CBLB: variants seen among roughly 807,000 people sequenced by gnomAD.
CBLB encodes Cbl proto-oncogene B, also known as E3 ubiquitin-protein ligase CBL-B.
A neutral mutation model predicts 104.9 loss-of-function variants in CBLB; 31 were observed. The observed-to-expected ratio is 0.30, with a 90% confidence interval of 0.22 to 0.40. The LOEUF (loss-of-function observed/expected upper bound fraction) is 0.40. CBLB is among the 10% of genes least tolerant of loss of function. CBLB has a pLI of 1.00. For missense variants in CBLB, 1,062 were observed against 1,214.6 expected (o/e 0.87, Z 1.87); for synonymous variants, 440 against 422.6 (o/e 1.04, Z -0.51).
chr3:105,807,991 T>C (rs2083746034), intron 3 of CBLB, among the ~76,000 whole-genome samples: 2 of 152,214 alleles, frequency 1.3e-5, no homozygotes, highest in South Asian at 2.1e-4. Flanking sequence ...AACCACTCTA[T>C]GTTATAAAAT....
intron 4 of CBLB, among the ~76,000 whole-genome samples, chr3:105,776,071 A>G (rs2079419512): frequency 6.6e-6 from 1 of 151,908 alleles, no homozygotes; most frequent in Non-Finnish European, 1.5e-5. Flanking sequence ...TATTTTGTAT[A>G]TTAAGTACAT....
intron 3 of CBLB, among the ~76,000 whole-genome samples, chr3:105,817,725 T>C (rs1437696425): frequency 1.3e-5 from 2 of 152,102 alleles, no homozygotes; most frequent in East Asian, 1.9e-4. Context: ...AAAAGACAGT[T>C]GTGTATGCCA....
intron 3 of CBLB, among the ~76,000 whole-genome samples, chr3:105,848,992 A>G (rs1422965506): frequency 3.3e-5 from 5 of 152,132 alleles, no homozygotes; most frequent in Non-Finnish European, 2.9e-5. Context: ...ATTTTCATAG[A>G]TCAATAGATC....
intron 3 of CBLB, among the ~76,000 whole-genome samples, chr3:105,823,609 C>A (rs908281666): frequency 6.6e-6 from 1 of 152,126 alleles, no homozygotes; most frequent in African/African-American, 2.4e-5. Flanking sequence ...TCACCAGCAC[C>A]CTTTGATAAA....
At chr3:105,848,108 C>T (rs1004569295) in intron 3 of CBLB, among the ~76,000 whole-genome samples, 8 of 151,874 alleles carry the variant, frequency 5.3e-5, no homozygotes, top group Non-Finnish European at 1.2e-4. Context: ...GTTTAGACAC[C>T]CAGCTGGAGT....
intron 4 of CBLB, among the ~76,000 whole-genome samples, chr3:105,759,374 C>T (rs1323191914): frequency 6.6e-6 from 1 of 152,182 alleles, no homozygotes; most frequent in Non-Finnish European, 1.5e-5. Context: ...GGCCCTGAGG[C>T]TGTAGGCTGT....
chr3:105,777,059 T>C (rs1414468019), intron 3 of CBLB, among the ~76,000 whole-genome samples: 1 of 152,152 alleles, frequency 6.6e-6, no homozygotes, highest in Non-Finnish European at 1.5e-5. Context: ...AAAGTACTAA[T>C]ACAAAAGTAT....
At chr3:105,701,177 C>T (rs1349996105) in intron 12 of CBLB, among the ~76,000 whole-genome samples, 4 of 152,192 alleles carry the variant, frequency 2.6e-5, no homozygotes, top group African/African-American at 7.2e-5. Context: ...TCTTCAGTTT[C>T]CTGCACACAT....
chr3:105,809,813 T>C (rs2084036151), intron 3 of CBLB, among the ~76,000 whole-genome samples: 1 of 152,134 alleles, frequency 6.6e-6, no homozygotes, highest in Non-Finnish European at 1.5e-5. Context: ...ATAATACCTA[T>C]AATAACAATA....
At chr3:105,847,615 T>TTC (rs2090434754) in intron 3 of CBLB, among the ~76,000 whole-genome samples, 1 of 150,398 alleles carries the variant, frequency 6.6e-6, no homozygotes, top group Non-Finnish European at 1.5e-5. Context: ...TCAGTTGACT[T>TTC]TTTTTCCAGT....
intron 18 of CBLB, among the ~76,000 whole-genome samples, chr3:105,669,099 T>TCCATCCAC (rs777193332): frequency 1.1e-3 from 156 of 144,194 alleles, no homozygotes; most frequent in Non-Finnish European, 1.9e-3. Context: ...CATCCATCCA[T>TCCATCCAC]CCATCCCCAA....
At chr3:105,754,993 A>G (rs2076949823) in intron 4 of CBLB, among the ~76,000 whole-genome samples, 3 of 151,810 alleles carry the variant, frequency 2.0e-5, no homozygotes, top group Admixed American at 1.3e-4. Flanking sequence ...TCCTCTTTAA[A>G]GTCTTGAAAA....
At chr3:105,745,042 C>T (rs1407832408) in intron 6 of CBLB, among the ~76,000 whole-genome samples, 1 of 152,092 alleles carries the variant, frequency 6.6e-6, no homozygotes, top group Non-Finnish European at 1.5e-5. Flanking sequence ...AAAACCAGCA[C>T]CAAATTCATC....
chr3:105,803,300 A>T (rs1232064382), intron 3 of CBLB, among the ~76,000 whole-genome samples: 1 of 152,172 alleles, frequency 6.6e-6, no homozygotes, highest in African/African-American at 2.4e-5. Flanking sequence ...CTGTGAATTT[A>T]TGAGGCCTGC....
At chr3:105,686,436 A>G (rs2284993) in intron 13 of CBLB, among the ~76,000 whole-genome samples, 38,858 of 150,730 alleles carry the variant, frequency 0.26, 5,145 homozygotes, top group Non-Finnish European at 0.27. Flanking sequence ...AAATCTGTTC[A>G]ATTTAAAAAG....
At chr3:105,801,199 AAATAGCAT>A (rs1454663652) in intron 3 of CBLB, among the ~76,000 whole-genome samples, 3 of 152,176 alleles carry the variant, frequency 2.0e-5, no homozygotes, top group Non-Finnish European at 4.4e-5. Flanking sequence ...GCACTCAGGA[AAATAGCAT>A]AAAAAGCAGC....
At chr3:105,801,873 T>C (rs1172226200) in intron 3 of CBLB, among the ~76,000 whole-genome samples, 1 of 152,240 alleles carries the variant, frequency 6.6e-6, no homozygotes, top group African/African-American at 2.4e-5. Context: ...CACGACACTT[T>C]GAGCTGTAAC....
rs141629724 is a variant in CBLB at position 105,676,625 on chromosome 3, C to T, written c.2569+1806G>A. Among the ~76,000 whole-genome samples the T allele has an allele frequency of 4.8e-3, 728 of 152,056 alleles. 17 individuals carry two copies. The highest frequency in any genetic ancestry group is 0.034 in the Admixed American group (526 of 15,264). ...ATCATGTTAAAGTCTATGTATAAGA[C>T]AAAGTTTTGAATAAGTGAAAAAAAA... On this transcript the variant is annotated intron_variant, in intron 17 of 18. Coordinates refer to ENST00000394030, the MANE Select transcript of CBLB (RefSeq NM_170662.5).
chr3:105,861,174 A>G (rs763119977), intron 2 of CBLB, among the ~76,000 whole-genome samples: 3 of 152,100 alleles, frequency 2.0e-5, no homozygotes, highest in African/African-American at 2.4e-5. Context: ...AATATTATTA[A>G]TATATGCCCA....
Sources: gnomAD v4.1 joint callset for allele counts (sites outside exome capture counted in the v4.1 genomes callset) on GRCh38, gnomAD v4.1.1 for gene constraint, MANE v1.5 for transcripts, NCBI Gene and HGNC (gene_info 2026-07-23, HGNC 2026-07-21) for gene names.